Variants in PGBD2 observed in about 807,000 individuals in gnomAD.
The protein encoded by PGBD2 is piggyBac transposable element derived 2, also known as piggyBac transposable element-derived protein 2.
Under a neutral mutation model 8.1 loss-of-function variants are expected in PGBD2, and 6 were observed. The observed-to-expected ratio is 0.74, with a 90% CI of 0.40 to 1.46. The LOEUF (loss-of-function observed/expected upper bound fraction) is 1.46. Ranked by LOEUF, PGBD2 falls within the 40% of genes most tolerant of loss-of-function variation. PGBD2 has a pLI of 0.02. For synonymous variants in PGBD2, 318 were observed against 272.2 expected (o/e 1.17, Z -1.66); for missense variants, 802 against 739.0 (o/e 1.09, Z -0.99).
the PGBD2 span, among the ~76,000 whole-genome samples, chr1:248,876,521 C>A: frequency 6.6e-6 from 1 of 152,094 alleles, no homozygotes; most frequent in Non-Finnish European, 1.5e-5. Context: ...AGTGTTTAAC[C>A]TTGCATTTTG....
the PGBD2 span, among the ~76,000 whole-genome samples, chr1:248,883,368 C>T: frequency 6.6e-6 from 1 of 152,012 alleles, no homozygotes; most frequent in Non-Finnish European, 1.5e-5. Context: ...GGTGATCCGC[C>T]GCCTCGGCCT....
At chr1:248,904,278 A>T (rs577457216), upstream of PGBD2, among the ~76,000 whole-genome samples, 354 of 147,064 alleles carry the variant, frequency 2.4e-3, no homozygotes, top group African/African-American at 7.7e-3. Context: ...AACGGGCTAA[A>T]TTTTTTTTTT....
chr1:248,924,228 G>C (rs1039740331), downstream of PGBD2, among the ~76,000 whole-genome samples: 3 of 152,204 alleles, frequency 2.0e-5, no homozygotes, highest in African/African-American at 7.2e-5. Flanking sequence ...GAAGTTGATG[G>C]AGTTCTTTCT....
chr1:248,886,148 A>G, the PGBD2 span, among the ~76,000 whole-genome samples: 2 of 152,228 alleles, frequency 1.3e-5, no homozygotes, highest in Non-Finnish European at 2.9e-5. Context: ...CCAAACGAGG[A>G]AAGTGATGAA....
In PGBD2 at chr1:248,918,955, T is replaced by C. The variant is rs865977340; in HGVS notation, c.*592T>C. The C allele has an allele frequency of 6.6e-5, 11 of 167,054 alleles. No homozygotes were observed. The highest frequency in any genetic ancestry group is 2.0e-4 in the Admixed American group (3 of 15,272). 10.3% of individuals were successfully genotyped at this position (167,054 alleles called of 1,614,324 possible). A position where few individuals can be genotyped will look rare whatever the true frequency, so the allele number is the denominator to read the frequency against. ...TTGTAAAAAAAATTATTTTTTTAATTTTGTGGGTACATAGTAGGAGTGTAT... is the reference window on the plus strand; with the variant it reads ...TTGTAAAAAAAATTATTTTTTTAATCTTGTGGGTACATAGTAGGAGTGTAT... On this transcript the variant is annotated 3_prime_UTR_variant, in exon 3 of 3. Transcript: ENST00000329291.
chr1:248,895,636 C>G, the PGBD2 span, among the ~76,000 whole-genome samples: 98 of 151,880 alleles, frequency 6.5e-4, no homozygotes, highest in African/African-American at 2.2e-3. Context: ...GATTTTGGTG[C>G]ACTAAGATTT....
chr1:248,921,363 A>C (rs1384477527), downstream of PGBD2, among the ~76,000 whole-genome samples: 1 of 152,204 alleles, frequency 6.6e-6, no homozygotes, highest in Non-Finnish European at 1.5e-5. Flanking sequence ...GCATATGGCT[A>C]ACCAGTTTTC....
At chr1:248,907,016 A>G (rs1272525936) in intron 1 of PGBD2, among the ~76,000 whole-genome samples, 2 of 152,088 alleles carry the variant, frequency 1.3e-5, no homozygotes, top group Non-Finnish European at 2.9e-5. Context: ...TAGAGAAACC[A>G]CAGTGGGCCC....
chr1:248,916,507 G>A, intron 2 of PGBD2, 95 bp from the exon 3 acceptor site: 2 of 1,006,260 alleles, frequency 2.0e-6, no homozygotes, highest in South Asian at 3.2e-5. Context: ...CCATTCAAGT[G>A]GAAGTGTTTT....
upstream of PGBD2, among the ~76,000 whole-genome samples, chr1:248,902,761 A>G (rs374438622): frequency 4.0e-5 from 6 of 151,194 alleles, no homozygotes; most frequent in East Asian, 1.2e-3. Context: ...AAAACCCAAC[A>G]CCACATGTTC....
chr1:248,901,172 T>C, the PGBD2 span, among the ~76,000 whole-genome samples: 1 of 152,166 alleles, frequency 6.6e-6, no homozygotes, highest in Non-Finnish European at 1.5e-5. Context: ...TTGCCCAAAC[T>C]AATTTATAGA....
At chr1:248,899,784 CTGTT>C in the PGBD2 span, among the ~76,000 whole-genome samples, 1 of 142,938 alleles carries the variant, frequency 7.0e-6, no homozygotes, top group South Asian at 2.2e-4. Flanking sequence ...AATTCAGGAG[CTGTT>C]TTTTTTGGGA....
At position 248,916,996 on chromosome 1, in the gene PGBD2, G is replaced by T. The variant is rs1321960540; in HGVS notation, c.412G>T (p.Glu138Ter). Residue 138 changes from glutamate (E) to a stop codon, truncating the protein, a stop_gained, in exon 3 of 3, where the codon GAG becomes TAG. Transcript: ENST00000329291. LOFTEE classifies it low-confidence loss of function (END_TRUNC). ...DPHIEDLKSQ[E>*]LSPVGLFELF... is the part of the protein sequence containing the mutation. ...TCATATTGAGGATCTGAAAAGCCAA[G>T]AGCTGAGTCCCGTGGGCCTTTTTGA... is the stretch of plus-strand genomic sequence containing the variant. 1 of 1,613,248 alleles carries T rather than the reference G, an allele frequency of 6.2e-7. No homozygotes were observed. Among genetic ancestry groups the T allele is most frequent in the African/African-American group, 1.3e-5 (1 of 74,758 alleles).
Position 248,917,590 on chromosome 1 carries a change from G to C in PGBD2, c.1006G>C (p.Asp336His), listed in dbSNP as rs1382123481. The change falls in exon 3 of 3, where the codon GAT (aspartate) becomes CAT (histidine). Residue 336 changes from aspartate to histidine, a missense_variant. Asp to His is a moderately conservative substitution (Grantham distance 81). Transcript: ENST00000329291. The part of the protein sequence containing the change: ...LGGSMVIKFV[D>H]ALQERGFLPY... ...AGGCAGTATGGTAATAAAATTTGTGGATGCGCTTCAGGAGCGTGGTTTTCT... is the reference window on the plus strand; with the variant it reads ...AGGCAGTATGGTAATAAAATTTGTGCATGCGCTTCAGGAGCGTGGTTTTCT... The C allele has an allele frequency of 1.9e-6, 3 of 1,614,066 alleles. No homozygotes were observed. The African/African-American group carries it at 4.0e-5, about 22-fold the overall frequency.
the PGBD2 span, among the ~76,000 whole-genome samples, chr1:248,876,682 G>T: frequency 6.6e-6 from 1 of 152,148 alleles, no homozygotes; most frequent in East Asian, 1.9e-4. Flanking sequence ...ACATACCTGG[G>T]TCTGTTTTTG....
At position 248,917,758 on chromosome 1, in the gene PGBD2, A is replaced by G. The variant is rs372346850; in HGVS notation, c.1174A>G (p.Lys392Glu). The change falls in exon 3 of 3, where the codon AAA becomes GAA. Residue 392 changes from lysine (K) to glutamate (E), a missense_variant. Physicochemically the swap from Lys to Glu is moderately conservative, Grantham distance 56 (BLOSUM62 1). Coordinates refer to ENST00000329291, the MANE Select transcript of PGBD2 (RefSeq NM_170725.3). ...CCTAAAAGACCCCAAAGAACTGAAA[A>G]AAATGAAGAGGGGTTCATTTGATTA... ...CPLKDPKELKKMKRGSFDYKV... is the reference protein window; with the variant it reads ...CPLKDPKELKEMKRGSFDYKV... 1 of 1,614,098 alleles carries G rather than the reference A, an allele frequency of 6.2e-7. No individual in the cohort carries two copies. The highest frequency in any genetic ancestry group is 1.1e-5 in the South Asian group (1 of 91,094).
chr1:248,918,112 C>A lies in PGBD2; in HGVS notation c.1528C>A (p.Gln510Lys), dbSNP rs755213862. The change falls in exon 3 of 3, where the codon CAG (glutamine) becomes AAG (lysine). Residue 510 changes from glutamine to lysine, a missense_variant. Transcript: ENST00000329291. ...GCATAGAATCTGCTGCCAAGATGCC[C>A]AGGTGGACCTCCTTGCCTTCCGGAG... ...QLHRICCQDAQVDLLAFRRYI... is the reference protein window; with the variant it reads ...QLHRICCQDAKVDLLAFRRYI... The A allele has an allele frequency of 6.2e-7, 1 of 1,614,190 alleles. No individual in the cohort carries two copies. The highest frequency in any genetic ancestry group is 1.7e-5 in the Admixed American group (1 of 60,030).
At position 248,919,121 on chromosome 1, in the gene PGBD2, G is replaced by A. The variant is rs1022980110; in HGVS notation, c.*758G>A. On this transcript the variant is annotated 3_prime_UTR_variant, in exon 3 of 3. Transcript: ENST00000329291. ...ATTATACTGTTAGTTATTTTAAAAT[G>A]TGCAATTAAATTATTTTTAACTATA... 1.8e-5 allele frequency: 3 copies of A among 166,976 alleles called. No homozygotes were observed. Among genetic ancestry groups the A allele is most frequent in the Non-Finnish European group, 4.4e-5 (3 of 68,116 alleles). The allele number at this position is 166,976 out of a possible 1,614,324, so 10.3% of individuals were successfully genotyped here.
intron 1 of PGBD2, chr1:248,912,664 T>C (rs558725274): frequency 6.6e-6 from 1 of 152,334 alleles, no homozygotes; most frequent in South Asian, 2.1e-4. Context: ...TTAACACATT[T>C]TGCCATATTT....
Sources: gnomAD v4.1 joint callset for allele counts (sites outside exome capture counted in the v4.1 genomes callset) on GRCh38, gnomAD v4.1.1 for gene constraint, MANE v1.5 for transcripts, NCBI Gene and HGNC (gene_info 2026-07-23, HGNC 2026-07-21) for gene names.